Variants in MYLK3 observed in about 807,000 individuals in gnomAD.
The protein encoded by MYLK3 is myosin light chain kinase 3, also known as MLC kinase.
MYLK3 carries 55 observed loss-of-function variants against 76.3 expected under a neutral mutation model. The observed-to-expected ratio is 0.72, with a 90% confidence interval of 0.58 to 0.90. MYLK3 has a LOEUF of 0.90. Among genes scored for constraint, MYLK3 ranks in the 40% least tolerant of loss-of-function variants. The pLI is 0.00. For synonymous variants in MYLK3, 416 were observed against 425.4 expected (o/e 0.98, Z 0.27); for missense variants, 973 against 1,053.6 (o/e 0.92, Z 1.06).
intron 3 of MYLK3, 124 bp downstream of exon 3, chr16:46,737,586 CT>C (rs1966874893): frequency 1.1e-6 from 1 of 932,512 alleles, no homozygotes; most frequent in Non-Finnish European, 1.6e-6. Flanking sequence ...CCCAGGCCTC[CT>C]CCCCATTCCC....
At chr16:46,734,925 T>C (rs993573681) in intron 3 of MYLK3, among the ~76,000 whole-genome samples, 1 of 152,122 alleles carries the variant, frequency 6.6e-6, no homozygotes, top group Non-Finnish European at 1.5e-5. Context: ...GAGGATCACT[T>C]GAGGCCAGGA....
intron 1 of MYLK3, among the ~76,000 whole-genome samples, chr16:46,742,014 A>G (rs1176804224): frequency 6.6e-6 from 1 of 152,072 alleles, no homozygotes. Context: ...TTTATTCCCA[A>G]CTTTTAAAAT....
rs1361979474 is a variant in MYLK3 at position 46,703,801 on chromosome 16, T to C, written c.*3903A>G. ...CAGCATAAAGGGAAAAAAATTAAAA[T>C]TGTTAGATACAGGATTCTCTCTAGA... On this transcript the variant is annotated 3_prime_UTR_variant, in exon 13 of 13. Coordinates refer to ENST00000394809, the MANE Select transcript of MYLK3 (RefSeq NM_182493.3). 1.3e-5 allele frequency: 2 copies of C among 153,762 alleles called. No individual in the cohort carries two copies. The highest frequency in any genetic ancestry group is 1.3e-4 in the Admixed American group (2 of 15,270). 9.5% of individuals were successfully genotyped at this position (153,762 alleles called of 1,614,324 possible). A position where few individuals can be genotyped will look rare whatever the true frequency, so the allele number is the denominator to read the frequency against.
intron 2 of MYLK3, among the ~76,000 whole-genome samples, chr16:46,739,665 C>T (rs1369010760): frequency 6.6e-6 from 1 of 152,188 alleles, no homozygotes; most frequent in African/African-American, 2.4e-5. Context: ...ATAACATTTT[C>T]TTTTCTTTAG....
rs1257372958 is a variant in MYLK3, at chr16:46,704,365, C to G, written c.*3339G>C. The G allele has an allele frequency of 2.6e-5, 4 of 152,210 alleles. No individual in the cohort carries two copies. Among genetic ancestry groups the G allele is most frequent in the African/African-American group, 9.7e-5 (4 of 41,448 alleles). The allele number at this position is 152,210 out of a possible 1,614,324, so 9.4% of individuals were successfully genotyped here. A position where few individuals can be genotyped will look rare whatever the true frequency, so the allele number is the denominator to read the frequency against. On this transcript the variant is annotated 3_prime_UTR_variant, in exon 13 of 13. Transcript: ENST00000394809. ...AAGTGCTGGGATTACAGATGTGAGC[C>G]ACCATGCCTAGCCTTGACATGTGTT...
intron 8 of MYLK3, 58 bp downstream of exon 8, chr16:46,727,178 A>G: frequency 1.9e-6 from 3 of 1,578,072 alleles, no homozygotes; most frequent in East Asian, 2.3e-5. Context: ...CAATGGTGAG[A>G]GCACGCCAGG....
chr16:46,737,717 G>T lies in MYLK3; in HGVS notation c.995C>A (p.Pro332His). 1 of 1,595,606 alleles carries T rather than the reference G, an allele frequency of 6.3e-7. No individual in the cohort carries two copies. Among genetic ancestry groups the T allele is most frequent in the Non-Finnish European group, 8.6e-7 (1 of 1,167,766 alleles). Residue 332 changes from proline (P) to histidine (H), a missense_variant, in exon 3 of 13, where the codon CCT becomes CAT. By Grantham distance (77) the Pro-to-His change is moderately conservative (BLOSUM62 -2). This residue lies in a region of MYLK3 where 641 missense variants were observed against 637.0 expected (regional missense o/e 1.01). Coordinates refer to ENST00000394809, the MANE Select transcript of MYLK3 (RefSeq NM_182493.3). ...ARATHSGGET[P>H]PRISIHIQEM... is the part of the protein sequence containing the mutation. The stretch of plus-strand genomic sequence containing the variant: ...CTGGAAGAGCTCCCCTTACCTTGGA[G>T]GTGTTTCTCCACCACTGTGGGTTGC...
In MYLK3 at chr16:46,705,493, C is replaced by G. The variant is rs536703045; in HGVS notation, c.*2211G>C. ...GCAGTGAGCCAAGAACACACCAGTG[C>G]ACTCCAGCCTGGGTGACAGAGGAAG... On this transcript the variant is annotated 3_prime_UTR_variant, in exon 13 of 13. Coordinates refer to ENST00000394809, the MANE Select transcript of MYLK3 (RefSeq NM_182493.3). 2 of 151,956 alleles carry G rather than the reference C, an allele frequency of 1.3e-5. No individual in the cohort carries two copies. The highest frequency in any genetic ancestry group is 4.8e-5 in the African/African-American group (2 of 41,394). The allele number at this position is 151,956 out of a possible 1,614,324, so 9.4% of individuals were successfully genotyped here.
intron 4 of MYLK3, among the ~76,000 whole-genome samples, chr16:46,731,212 T>C (rs549152556): frequency 6.6e-6 from 1 of 152,206 alleles, no homozygotes; most frequent in Non-Finnish European, 1.5e-5. Flanking sequence ...CAGCCCGTGA[T>C]GGAGCCAGAG....
chr16:46,739,893 T>C (rs1457083101), intron 2 of MYLK3, among the ~76,000 whole-genome samples, 164 bp downstream of exon 2: 1 of 152,194 alleles, frequency 6.6e-6, no homozygotes, highest in Non-Finnish European at 1.5e-5. Context: ...CAATTGACTA[T>C]GTGTCTCTGG....
At chr16:46,753,857 G>A (rs957044424) in intron 1 of MYLK3, among the ~76,000 whole-genome samples, 6 of 152,152 alleles carry the variant, frequency 3.9e-5, no homozygotes, top group Non-Finnish European at 8.8e-5. Context: ...AGGTTGCAGC[G>A]AACTGTGTTT....
At chr16:46,734,180 CAT>C (rs1334968319) in intron 3 of MYLK3, among the ~76,000 whole-genome samples, 1 of 152,170 alleles carries the variant, frequency 6.6e-6, no homozygotes, top group Non-Finnish European at 1.5e-5. Context: ...ATGGATAATA[CAT>C]AGACAGAAGG....
chr16:46,709,476 A>G, intron 12 of MYLK3, 63 bp downstream of exon 12: 1 of 1,525,140 alleles, frequency 6.6e-7, no homozygotes, highest in Non-Finnish European at 8.8e-7. Context: ...ACTTAGCTAC[A>G]GTTTTTTCCA....
intron 1 of MYLK3, among the ~76,000 whole-genome samples, chr16:46,744,634 G>A (rs1966991900): frequency 6.6e-6 from 1 of 151,530 alleles, no homozygotes; most frequent in African/African-American, 2.4e-5. Flanking sequence ...GAGCCACCTC[G>A]CCCAGCCTAA....
At chr16:46,711,328 T>C (rs897617844) in intron 10 of MYLK3, among the ~76,000 whole-genome samples, 4 of 152,074 alleles carry the variant, frequency 2.6e-5, no homozygotes, top group African/African-American at 9.7e-5. Context: ...GCGCAGCAGT[T>C]ACACAATAAT....
chr16:46,757,213 C>A (rs1967211962), intron 1 of MYLK3, among the ~76,000 whole-genome samples: 1 of 151,534 alleles, frequency 6.6e-6, no homozygotes, highest in Admixed American at 6.6e-5. Flanking sequence ...TCCACATTGT[C>A]TGTCCACCAC....
intron 1 of MYLK3, among the ~76,000 whole-genome samples, chr16:46,744,073 C>T (rs905904399): frequency 6.6e-6 from 1 of 152,130 alleles, no homozygotes; most frequent in Non-Finnish European, 1.5e-5. Context: ...CTCGCTGTCA[C>T]CCAGGCTGGA....
In MYLK3 at chr16:46,712,724, C is replaced by T. The variant is rs1405829284; in HGVS notation, c.2038G>A (p.Ala680Thr). Residue 680 changes from alanine (A) to threonine (T), a missense_variant, in exon 10 of 13, where the codon GCC (alanine) becomes ACC (threonine). By Grantham distance (58) the Ala-to-Thr change is moderately conservative. Transcript: ENST00000394809. The part of the protein sequence containing the change: ...KVNFGTPEFL[A>T]PEVVNYEFVS... ...AACTCATAATTGACGACTTCTGGGG[C>T]CAGGAACTCAGGAGTGCCGAAGTTC... is the stretch of plus-strand genomic sequence containing the variant. The T allele has an allele frequency of 6.3e-7, 1 of 1,599,442 alleles. No homozygotes were observed. The highest frequency in any genetic ancestry group is 1.4e-5 in the African/African-American group (1 of 74,002).
intron 1 of MYLK3, 116 bp downstream of exon 1, chr16:46,747,601 A>T: frequency 1.0e-6 from 1 of 982,654 alleles, no homozygotes; most frequent in South Asian, 1.5e-5. Flanking sequence ...CCCCATCAAC[A>T]GGTCACACAG....
Sources: gnomAD v4.1 joint callset for allele counts (sites outside exome capture counted in the v4.1 genomes callset) on GRCh38, gnomAD v4.1.1 for gene constraint, gnomAD v4.1.1 regional missense constraint, MANE v1.5 for transcripts, NCBI Gene and HGNC (gene_info 2026-07-23, HGNC 2026-07-21) for gene names.